Variants in CAMTA1 observed in about 807,000 individuals in gnomAD.
The protein encoded by CAMTA1 is calmodulin-binding transcription activator 1.
In CAMTA1, 27 loss-of-function variants were observed where a neutral mutation model predicts 170.9. That is an observed-to-expected ratio of 0.16 (90% CI 0.12 to 0.22). CAMTA1 has a LOEUF of 0.22. Ranked by LOEUF, CAMTA1 falls within the 10% of genes least tolerant of loss-of-function variation. The probability of loss-of-function intolerance (pLI) is 1.00; values close to 1 mark genes in which losing one functional copy is unlikely to be tolerated. For missense variants in CAMTA1, 1,619 were observed against 2,217.2 expected (o/e 0.73, Z 5.42); for synonymous variants, 833 against 891.5 (o/e 0.93, Z 1.17).
chr1:6,793,819 T>C (rs1641800462), intron 1 of CAMTA1, among the ~76,000 whole-genome samples: 1 of 152,254 alleles, frequency 6.6e-6, no homozygotes, highest in African/African-American at 2.4e-5. Context: ...TCTGAAGGTA[T>C]ATTAATACAA....
chr1:7,362,370 G>A (rs1178647099), intron 5 of CAMTA1, among the ~76,000 whole-genome samples: 1 of 152,130 alleles, frequency 6.6e-6, no homozygotes, highest in Non-Finnish European at 1.5e-5. Flanking sequence ...GGTGGACTTG[G>A]ATAGAGTTGG....
At position 7,641,067 on chromosome 1, in the gene CAMTA1, G is replaced by T. The variant is rs1448613230; in HGVS notation, c.664+514G>T. On this transcript the variant is annotated intron_variant, in intron 7 of 22. Coordinates refer to ENST00000303635, the MANE Select transcript of CAMTA1 (RefSeq NM_015215.4). This position sits in a 1 kb window ranked among gnomAD's most constrained non-coding sequence, Gnocchi z 4.5. ...TGGATTTCATTTTGTCAGCAAAGTG[G>T]TGCTTTCTGAAGCATCTGTCAGGTG... Among the ~76,000 whole-genome samples, 1 of 152,222 alleles carries T rather than the reference G, an allele frequency of 6.6e-6. No individual in the cohort carries two copies. The highest frequency in any genetic ancestry group is 1.5e-5 in the Non-Finnish European group (1 of 68,032).
chr1:6,795,899 CAAAAG>C (rs1196071677), intron 1 of CAMTA1, among the ~76,000 whole-genome samples: 1 of 152,112 alleles, frequency 6.6e-6, no homozygotes, highest in Non-Finnish European at 1.5e-5. Flanking sequence ...AAAGGTAAAA[CAAAAG>C]ATAAGATACT....
intron 3 of CAMTA1, among the ~76,000 whole-genome samples, chr1:6,829,235 A>G (rs1449545117): frequency 6.6e-6 from 1 of 152,150 alleles, no homozygotes; most frequent in Non-Finnish European, 1.5e-5. Flanking sequence ...AAGAGTTAAT[A>G]TAGTCTTAAT....
intron 3 of CAMTA1, among the ~76,000 whole-genome samples, chr1:6,995,874 G>A (rs1435533613): frequency 6.6e-6 from 1 of 152,166 alleles, no homozygotes; most frequent in African/African-American, 2.4e-5. Context: ...ACAGGCATAA[G>A]ACTGGCTAGT....
chr1:7,639,045 C>T (rs2095739126), intron 6 of CAMTA1, among the ~76,000 whole-genome samples: 1 of 152,166 alleles, frequency 6.6e-6, no homozygotes, highest in Non-Finnish European at 1.5e-5. Flanking sequence ...GGGGTGCGAT[C>T]TCGGCTCACT....
chr1:7,373,549 G>T (rs528223265), intron 5 of CAMTA1, among the ~76,000 whole-genome samples: 1 of 152,362 alleles, frequency 6.6e-6, no homozygotes, highest in South Asian at 2.1e-4. Flanking sequence ...GTTGCACTCA[G>T]ACTCACTCTG....
In CAMTA1 at chr1:7,756,052, C is replaced by T. The variant is rs376163817; in HGVS notation, c.4989+384C>T. ...TTTTTGTGATTAAGATAATTTGCCA[C>T]ATGAAATTTTCTCAACGATTGCTTT... On this transcript the variant is annotated intron_variant, in intron 22 of 22. Coordinates refer to ENST00000303635, the MANE Select transcript of CAMTA1 (RefSeq NM_015215.4). Among the ~76,000 whole-genome samples the T allele has an allele frequency of 3.9e-5, 6 of 151,912 alleles. No individual in the cohort carries two copies. The East Asian group carries it at 1.2e-3, about 29-fold the overall frequency.
intron 5 of CAMTA1, among the ~76,000 whole-genome samples, chr1:7,363,842 T>G (rs1197257139): frequency 6.6e-6 from 1 of 152,030 alleles, no homozygotes; most frequent in African/African-American, 2.4e-5. Context: ...TGCCCTCTAC[T>G]AAACCTGCTT....
intron 6 of CAMTA1, among the ~76,000 whole-genome samples, chr1:7,485,922 A>G (rs993064649): frequency 1.3e-5 from 2 of 152,242 alleles, no homozygotes; most frequent in Non-Finnish European, 2.9e-5. Flanking sequence ...CCACCCCGGC[A>G]TGCACCTCAG....
Position 7,067,190 on chromosome 1 carries a change from G to T in CAMTA1, c.235-24114G>T, listed in dbSNP as rs1709067806. ...GAAGGGCAGGGAGGTTGTTGGTAGG[G>T]CTGGTAAATCTATGGCATGGAAAAG... On this transcript the variant is annotated intron_variant, in intron 3 of 22. Transcript: ENST00000303635. The surrounding 1 kb of genome is among the most constrained non-coding windows in gnomAD (Gnocchi z 4.3). Among the ~76,000 whole-genome samples the T allele has an allele frequency of 6.6e-6, 1 of 152,192 alleles. No homozygotes were observed. Among genetic ancestry groups the T allele is most frequent in the Admixed American group, 6.5e-5 (1 of 15,284 alleles).
intron 6 of CAMTA1, among the ~76,000 whole-genome samples, chr1:7,500,241 G>C (rs2093976091): frequency 7.3e-6 from 1 of 137,356 alleles, no homozygotes; most frequent in Non-Finnish European, 1.6e-5. Context: ...GTTCATGAGT[G>C]AGTGTGTAGA....
At chr1:7,066,853 G>A (rs1709028756) in intron 3 of CAMTA1, among the ~76,000 whole-genome samples, 1 of 152,216 alleles carries the variant, frequency 6.6e-6, no homozygotes, top group South Asian at 2.1e-4. Context: ...TTGTCATCTG[G>A]GAAGCATCAT....
Position 7,454,329 on chromosome 1 carries a change from G to A in CAMTA1, c.439-13501G>A, listed in dbSNP as rs142691873. Among the ~76,000 whole-genome samples the A allele has an allele frequency of 3.0e-3, 461 of 152,336 alleles. 4 individuals are homozygous for A. Among genetic ancestry groups the A allele is most frequent in the African/African-American group, 0.01 (433 of 41,574 alleles). ...GAGATGGGCAGGCAGGGGACAGAGT[G>A]CCCCGTGTCTGGGGAAACTGAGGAG... On this transcript the variant is annotated intron_variant, in intron 5 of 22. Transcript: ENST00000303635.
At chr1:6,822,923 A>T (rs1481782464) in intron 2 of CAMTA1, among the ~76,000 whole-genome samples, 1 of 152,120 alleles carries the variant, frequency 6.6e-6, no homozygotes, top group East Asian at 1.9e-4. Context: ...TGTGATCACA[A>T]ACATAGAAGC....
intron 3 of CAMTA1, among the ~76,000 whole-genome samples, chr1:6,997,626 G>A (rs184037119): frequency 3.4e-5 from 5 of 148,070 alleles, no homozygotes; most frequent in East Asian, 2.0e-4. Flanking sequence ...TTGACAGGTC[G>A]TCTTCTGTTT....
Position 7,206,103 on chromosome 1 carries a change from C to G in CAMTA1, c.303-43388C>G, listed in dbSNP as rs138509819. ...GTATACACTGTTTTAATTATGAAGG[C>G]TTTGTAGTATTTTTAGTGTCTGGTA... is the stretch of plus-strand genomic sequence containing the variant. On this transcript the variant is annotated intron_variant, in intron 4 of 22. Transcript: ENST00000303635. 2.7e-3 allele frequency among the ~76,000 whole-genome samples: 415 copies of G among 152,226 alleles called. 1 individual carries two copies. Among genetic ancestry groups the G allele is most frequent in the African/African-American group, 9.6e-3 (398 of 41,532 alleles).
intron 6 of CAMTA1, among the ~76,000 whole-genome samples, chr1:7,526,341 C>G (rs1340875018): frequency 6.6e-6 from 1 of 152,104 alleles, no homozygotes; most frequent in African/African-American, 2.4e-5. Flanking sequence ...AAGCCCCAGG[C>G]CCACCTCTGC....
chr1:7,165,454 C>T (rs905980470), intron 4 of CAMTA1, among the ~76,000 whole-genome samples: 15 of 152,018 alleles, frequency 9.9e-5, no homozygotes, highest in African/African-American at 2.7e-4. Flanking sequence ...TTTTTGGAGA[C>T]GGAGTCTCAC....
Sources: gnomAD v4.1 joint callset for allele counts (sites outside exome capture counted in the v4.1 genomes callset) on GRCh38, gnomAD v4.1.1 for gene constraint, Gnocchi (gnomAD v3.1) non-coding constraint, MANE v1.5 for transcripts, NCBI Gene and HGNC (gene_info 2026-07-23, HGNC 2026-07-21) for gene names.